ZNF541: variants seen among roughly 807,000 people sequenced by gnomAD.
The protein encoded by ZNF541 is zinc finger protein 541.
ZNF541 carries 23 observed loss-of-function variants against 123.5 expected under a neutral mutation model. The observed-to-expected ratio is 0.19, with a 90% CI of 0.13 to 0.26. ZNF541 has a LOEUF of 0.26. Among genes scored for constraint, ZNF541 ranks in the 10% least tolerant of loss-of-function variants. The probability of loss-of-function intolerance (pLI) is 1.00; values close to 1 mark genes in which losing one functional copy is unlikely to be tolerated. For missense variants in ZNF541, 1,612 were observed against 1,789.9 expected (o/e 0.90, Z 1.79); for synonymous variants, 751 against 754.5 (o/e 1.00, Z 0.08).
intron 14 of ZNF541, among the ~76,000 whole-genome samples, chr19:47,525,139 G>C (rs1969224840): frequency 6.6e-6 from 1 of 152,032 alleles, no homozygotes; most frequent in African/African-American, 2.4e-5. Context: ...ACAAAAATTA[G>C]CCAGGTGTGG....
intron 14 of ZNF541, among the ~76,000 whole-genome samples, chr19:47,524,694 C>T (rs917281309): frequency 1.4e-5 from 2 of 140,038 alleles, no homozygotes; most frequent in Non-Finnish European, 1.5e-5. Context: ...GGTGACATAG[C>T]GAGACTCTGT....
chr19:47,565,355 G>A (rs1971222490), intron 2 of ZNF541, among the ~76,000 whole-genome samples: 1 of 152,114 alleles, frequency 6.6e-6, no homozygotes, highest in Admixed American at 6.6e-5. Context: ...AGTACATCTG[G>A]ATCATTAGAG....
rs552908357 is a variant in ZNF541 at position 47,549,218 on chromosome 19, C to T, written c.548+27G>A. 243 of 1,551,382 alleles carry T rather than the reference C, an allele frequency of 1.6e-4. 2 individuals are homozygous for T. In the South Asian group the frequency reaches 2.5e-3, roughly 16 times the overall value. On this transcript the variant is annotated intron_variant, in intron 4 of 16. Coordinates refer to ENST00000391901, the MANE Select transcript of ZNF541 (RefSeq NM_001277075.3). Reference sequence around the variant, plus strand: ...TCCCCACCCCCAGCCCCTGAACAGACGTTTTTCTGACCAGACTCCCACATA... The same window carrying T: ...TCCCCACCCCCAGCCCCTGAACAGATGTTTTTCTGACCAGACTCCCACATA...
intron 5 of ZNF541, among the ~76,000 whole-genome samples, chr19:47,543,119 A>T (rs2123108898): frequency 6.6e-6 from 1 of 152,200 alleles, no homozygotes; most frequent in East Asian, 1.9e-4. Flanking sequence ...TCTCTAAAAA[A>T]TATATAAAAA....
intron 2 of ZNF541, among the ~76,000 whole-genome samples, chr19:47,563,256 C>T (rs182443281): frequency 1.2e-4 from 19 of 152,254 alleles, no homozygotes; most frequent in Admixed American, 7.8e-4. Context: ...TCAATGCATA[C>T]CCCGTATTTT....
At chr19:47,549,219 G>A (rs560434859) in intron 4 of ZNF541, 26 bp downstream of exon 4, 8 of 1,551,474 alleles carry the variant, frequency 5.2e-6, no homozygotes, top group Admixed American at 3.9e-5. Flanking sequence ...CTGAACAGAC[G>A]TTTTTCTGAC....
At chr19:47,525,278 T>C (rs1384712155) in intron 14 of ZNF541, among the ~76,000 whole-genome samples, 1 of 149,754 alleles carries the variant, frequency 6.7e-6, no homozygotes, top group Non-Finnish European at 1.5e-5. Flanking sequence ...AGAGTGAAAC[T>C]CTGTCTCCAA....
chr19:47,529,739 C>T (rs558310818), intron 12 of ZNF541, 87 bp from the exon 13 acceptor site: 47 of 1,301,208 alleles, frequency 3.6e-5, no homozygotes, highest in Admixed American at 6.1e-5. Context: ...AAAACACTTG[C>T]GGCTGTCCCT....
At chr19:47,569,411 G>C (rs1236722395) in intron 2 of ZNF541, among the ~76,000 whole-genome samples, 1 of 152,096 alleles carries the variant, frequency 6.6e-6, no homozygotes, top group Non-Finnish European at 1.5e-5. Flanking sequence ...ATAGTCCAGA[G>C]AAGTTGAGTA....
At chr19:47,549,117 T>A in intron 4 of ZNF541, 128 bp downstream of exon 4, 12 of 1,193,612 alleles carry the variant, frequency 1.0e-5, no homozygotes, top group Non-Finnish European at 1.4e-5. Context: ...GCAGAGGTAA[T>A]ACACGTCTGG....
chr19:47,555,521 G>A (rs1347351410), intron 3 of ZNF541, 29 bp downstream of exon 3: 1 of 1,503,320 alleles, frequency 6.7e-7, no homozygotes, highest in South Asian at 1.3e-5. Context: ...ACATCCTGCA[G>A]GGCCCTTCTA....
chr19:47,525,000 C>G (rs1488521624), intron 14 of ZNF541, among the ~76,000 whole-genome samples: 1 of 152,022 alleles, frequency 6.6e-6, no homozygotes, highest in African/African-American at 2.4e-5. Flanking sequence ...GTCAACTCTC[C>G]TTGGCTGGGT....
In ZNF541 at chr19:47,550,329, GAGAGAGAA is replaced by G. The variant is rs201779948; in HGVS notation, c.308-852_308-845del. 5.5e-3 allele frequency among the ~76,000 whole-genome samples: 821 copies of G among 148,694 alleles called. 5 individuals are homozygous for G. The highest frequency in any genetic ancestry group is 9.5e-3 in the Non-Finnish European group (641 of 67,362). ...GGAAGGAAAGAGAGAGAGAAAGAGAGAGAGAGAAAGAGAAAGAAAGGAAGGAAGGAAGG... is the reference window on the plus strand; with the variant it reads ...GGAAGGAAAGAGAGAGAGAAAGAGAGAGAGAAAGAAAGGAAGGAAGGAAGG... On this transcript the variant is annotated intron_variant, in intron 3 of 16. Coordinates refer to ENST00000391901, the MANE Select transcript of ZNF541 (RefSeq NM_001277075.3).
chr19:47,538,365 TG>T lies in ZNF541; in HGVS notation c.2870del (p.Pro957HisfsTer29). ...GGCCAGGCTCCCCAGCCGTGGAGGGTGGGGGCCGCTTCTTCCGCTTTCTCTG... is the reference window on the plus strand; with the variant it reads ...GGCCAGGCTCCCCAGCCGTGGAGGGTGGGGCCGCTTCTTCCGCTTTCTCTG... Reference protein sequence around the residue: ...SQQRKRKKRPPPSTAGEPGPA... With the variant: ...SQQRKRKKRPXPSTAGEPGPA... On this transcript the variant is annotated frameshift_variant, in exon 9 of 17. Coordinates refer to ENST00000391901, the MANE Select transcript of ZNF541 (RefSeq NM_001277075.3). LOFTEE classifies it high-confidence loss of function. 6.5e-7 allele frequency: 1 copy of T among 1,543,962 alleles called. No individual in the cohort carries two copies. Among genetic ancestry groups the T allele is most frequent in the Non-Finnish European group, 8.7e-7 (1 of 1,143,076 alleles).
chr19:47,565,577 G>C (rs1056159836), intron 2 of ZNF541, among the ~76,000 whole-genome samples: 2 of 152,176 alleles, frequency 1.3e-5, no homozygotes, highest in Non-Finnish European at 2.9e-5. Flanking sequence ...ATTGAGACAA[G>C]GGATGGGAGA....
intron 14 of ZNF541, among the ~76,000 whole-genome samples, chr19:47,522,726 T>C (rs562660022): frequency 4.9e-4 from 74 of 150,250 alleles, no homozygotes; most frequent in African/African-American, 1.6e-3. Flanking sequence ...AGCCCAGGTG[T>C]TCAAGGCTGC....
chr19:47,529,083 GA>G, intron 13 of ZNF541, 45 bp from the exon 14 acceptor site: 1 of 1,416,062 alleles, frequency 7.1e-7, no homozygotes. Context: ...TTTGTCCTGG[GA>G]CCACAGCCAT....
intron 2 of ZNF541, among the ~76,000 whole-genome samples, chr19:47,564,163 A>C (rs1971173671): frequency 1.3e-5 from 2 of 151,954 alleles, no homozygotes; most frequent in South Asian, 4.1e-4. Flanking sequence ...TGCTCCAATT[A>C]AACTACAAAA....
In ZNF541 at chr19:47,573,101, G is replaced by T. The variant is rs1317835521; in HGVS notation, c.-264C>A. Among the ~76,000 whole-genome samples the T allele has an allele frequency of 5.3e-5, 8 of 150,256 alleles. No homozygotes were observed. The East Asian group carries it at 1.6e-3, about 29-fold the overall frequency. ...GTTTTACCCGCCCCCGGGGGCTCGCGCGCCGGGCCTCGCGCCTGGCGCCTC... is the reference window on the plus strand; with the variant it reads ...GTTTTACCCGCCCCCGGGGGCTCGCTCGCCGGGCCTCGCGCCTGGCGCCTC... On this transcript the variant is annotated 5_prime_UTR_variant, in exon 1 of 17. Transcript: ENST00000391901.
Sources: allele counts gnomAD v4.1 joint callset (sites outside exome capture counted in the v4.1 genomes callset), GRCh38; gene constraint gnomAD v4.1.1; transcripts MANE v1.5; gene names NCBI Gene and HGNC (gene_info 2026-07-23, HGNC 2026-07-21).